Variants in HNRNPUL1 observed in about 807,000 individuals in gnomAD.
The protein encoded by HNRNPUL1 is heterogeneous nuclear ribonucleoprotein U like 1, also known as heterogeneous nuclear ribonucleoprotein U-like protein 1.
A neutral mutation model predicts 108.5 loss-of-function variants in HNRNPUL1; 14 were observed. The ratio of observed to expected loss-of-function variants is 0.13; its 90% CI spans 0.09 to 0.20. HNRNPUL1 has a LOEUF of 0.20. HNRNPUL1 is among the 10% of genes least tolerant of loss of function. The pLI is 1.00. For synonymous variants in HNRNPUL1, 422 were observed against 445.2 expected (o/e 0.95, Z 0.66); for missense variants, 804 against 1,168.3 (o/e 0.69, Z 4.55).
intron 5 of HNRNPUL1, among the ~76,000 whole-genome samples, chr19:41,278,136 T>C (rs1266479206): frequency 6.6e-6 from 1 of 152,092 alleles, no homozygotes; most frequent in Non-Finnish European, 1.5e-5. Context: ...CTCTGCTTAC[T>C]GCAACGTCTC....
chr19:41,271,496 A>T (rs2035235740), intron 2 of HNRNPUL1, among the ~76,000 whole-genome samples: 1 of 152,128 alleles, frequency 6.6e-6, no homozygotes, highest in African/African-American at 2.4e-5. Flanking sequence ...AAATGAGTAG[A>T]TGTGAATGAG....
chr19:41,289,430 G>A (rs2036448488), intron 7 of HNRNPUL1, among the ~76,000 whole-genome samples: 1 of 152,184 alleles, frequency 6.6e-6, no homozygotes. Context: ...TTAGAGCCTA[G>A]GGACAACAGA....
chr19:41,293,451 CT>C (rs1457607226), intron 8 of HNRNPUL1, among the ~76,000 whole-genome samples: 1 of 152,114 alleles, frequency 6.6e-6, no homozygotes, highest in Non-Finnish European at 1.5e-5. Flanking sequence ...TTTAAAAATC[CT>C]TCAAGGGAAT....
In HNRNPUL1 at chr19:41,264,717, C is replaced by T. The variant is rs1297375323; in HGVS notation, c.214C>T (p.Leu72=). ...GGTCGAGACCGAGGGGGGCTCCGAG[C>T]TGGAGGGGACCGCGCAGCCACCGCC... The part of the protein sequence containing the change: ...EEVETEGGSE[L]EGTAQPPPPG... The change falls in exon 1 of 15, where the codon CTG becomes TTG. Residue 72 remains leucine, a synonymous_variant. Coordinates refer to ENST00000392006, the MANE Select transcript of HNRNPUL1 (RefSeq NM_007040.6). 1 of 1,470,268 alleles carries T rather than the reference C, an allele frequency of 6.8e-7. No homozygotes were observed. Among genetic ancestry groups the T allele is most frequent in the Non-Finnish European group, 9.0e-7 (1 of 1,114,118 alleles). 91.1% of individuals were successfully genotyped at this position (1,470,268 alleles called of 1,614,324 possible).
rs1236662363 is a variant in HNRNPUL1, at chr19:41,272,157, G to GGCA, written c.498_500dup (p.Gln167dup). 9.3e-6 allele frequency: 15 copies of GGCA among 1,614,074 alleles called. No individual in the cohort carries two copies. The highest frequency in any genetic ancestry group is 1.3e-5 in the African/African-American group (1 of 74,924). On this transcript the variant is annotated inframe_insertion, in exon 3 of 15. Transcript: ENST00000392006. ...GAAGCTTCTCAACTCAAGCCAGACA[G>GGCA]GCAGCAATTCCAGAGTCGAAAGAGG...
chr19:41,270,034 G>A (rs1599766522), intron 2 of HNRNPUL1, among the ~76,000 whole-genome samples: 2 of 152,108 alleles, frequency 1.3e-5, no homozygotes, highest in African/African-American at 4.8e-5. Flanking sequence ...CCAGGCTGGA[G>A]GGCGATGGCG....
intron 10 of HNRNPUL1, among the ~76,000 whole-genome samples, chr19:41,296,844 CT>C (rs1349460729): frequency 1.3e-5 from 2 of 152,190 alleles, no homozygotes; most frequent in Non-Finnish European, 2.9e-5. Flanking sequence ...TTTGCCTTTA[CT>C]GGTTTTTCCT....
intron 10 of HNRNPUL1, among the ~76,000 whole-genome samples, chr19:41,295,206 C>T (rs1026683684): frequency 9.9e-5 from 15 of 152,140 alleles, no homozygotes; most frequent in African/African-American, 3.6e-4. Context: ...GCTATTATTG[C>T]TTCCGTCATT....
intron 10 of HNRNPUL1, among the ~76,000 whole-genome samples, chr19:41,300,744 A>G (rs1010368648): frequency 6.6e-6 from 1 of 152,236 alleles, no homozygotes; most frequent in African/African-American, 2.4e-5. Context: ...GCACCAGCCC[A>G]GGACACACCT....
intron 7 of HNRNPUL1, among the ~76,000 whole-genome samples, chr19:41,281,755 G>A (rs2035911920): frequency 6.6e-6 from 1 of 152,148 alleles, no homozygotes; most frequent in Non-Finnish European, 1.5e-5. Flanking sequence ...ATGCAAAACA[G>A]AACAGCTGTT....
intron 10 of HNRNPUL1, among the ~76,000 whole-genome samples, chr19:41,296,953 G>C (rs2036929022): frequency 6.6e-6 from 1 of 152,216 alleles, no homozygotes; most frequent in Non-Finnish European, 1.5e-5. Flanking sequence ...GAGGTTGTCT[G>C]CAGAAGCCAG....
At chr19:41,265,242 G>C (rs1348352996) in intron 1 of HNRNPUL1, 10 of 1,527,014 alleles carry the variant, frequency 6.5e-6, no homozygotes, top group South Asian at 3.6e-5. Flanking sequence ...GTGTTTCCAG[G>C]GTGGGGAAGG....
rs775646882 is a variant in HNRNPUL1 at position 41,302,779 on chromosome 19, C to T, written c.1802C>T (p.Ala601Val). ...VRQYNEEGRKAGPPPEKRFDN... is the reference protein window; with the variant it reads ...VRQYNEEGRKVGPPPEKRFDN... The stretch of plus-strand genomic sequence containing the variant: ...CAGTACAACGAGGAAGGCCGCAAGG[C>T]TGGGCCACCCCCTGAAAAGCGCTTT... Residue 601 changes from alanine to valine, a missense_variant, in exon 12 of 15, where the codon GCT becomes GTT. Ala to Val is a moderately conservative substitution (Grantham distance 64). Transcript: ENST00000392006. 2 of 1,612,504 alleles carry T rather than the reference C, an allele frequency of 1.2e-6. No homozygotes were observed. The highest frequency in any genetic ancestry group is 2.7e-5 in the African/African-American group (2 of 74,876).
At chr19:41,280,176 C>T (rs2035820071) in intron 6 of HNRNPUL1, among the ~76,000 whole-genome samples, 1 of 152,076 alleles carries the variant, frequency 6.6e-6, no homozygotes, top group African/African-American at 2.4e-5. Flanking sequence ...TTCACATGGA[C>T]TTAGAGAGTG....
At chr19:41,278,875 T>G (rs1016537226) in intron 5 of HNRNPUL1, among the ~76,000 whole-genome samples, 15 of 152,242 alleles carry the variant, frequency 9.9e-5, no homozygotes, top group African/African-American at 3.6e-4. Context: ...CCTGTCTCTG[T>G]GGCCCTGTAC....
chr19:41,263,004 C>G (rs2034593031), upstream of HNRNPUL1: 1 of 140,134 alleles, frequency 7.1e-6, no homozygotes, highest in Non-Finnish European at 1.5e-5. Context: ...AGAGGCCCTG[C>G]ACTCCAGCCA....
intron 1 of HNRNPUL1, among the ~76,000 whole-genome samples, chr19:41,266,522 G>A (rs778751173): frequency 6.6e-6 from 1 of 152,014 alleles, no homozygotes; most frequent in Non-Finnish European, 1.5e-5. Context: ...TGAACTCCTG[G>A]GTTCAGGTGA....
intron 8 of HNRNPUL1, among the ~76,000 whole-genome samples, chr19:41,293,971 C>T (rs898318434): frequency 4.6e-5 from 7 of 152,156 alleles, no homozygotes; most frequent in African/African-American, 1.7e-4. Flanking sequence ...TGGGCCATTA[C>T]ACGCCAGCCT....
At chr19:41,274,374 C>T (rs946352955) in intron 4 of HNRNPUL1, among the ~76,000 whole-genome samples, 5 of 152,294 alleles carry the variant, frequency 3.3e-5, no homozygotes, top group African/African-American at 1.2e-4. Context: ...AACCCTGAAC[C>T]GCCCTGTACA....
Sources: allele counts gnomAD v4.1 joint callset (sites outside exome capture counted in the v4.1 genomes callset), GRCh38; gene constraint gnomAD v4.1.1; transcripts MANE v1.5; gene names NCBI Gene and HGNC (gene_info 2026-07-23, HGNC 2026-07-21).